Variants in LRP1B observed in about 807,000 individuals in gnomAD.
LRP1B encodes LDL receptor related protein 1B.
LRP1B carries 217 observed loss-of-function variants against 556.6 expected under a neutral mutation model. The ratio of observed to expected loss-of-function variants is 0.39; its 90% CI spans 0.35 to 0.44. The LOEUF is 0.44. Ranked by LOEUF, LRP1B falls within the 20% of genes least tolerant of loss-of-function variation. The pLI is 1.00. For synonymous variants in LRP1B, 2,047 were observed against 1,865.8 expected (o/e 1.10, Z -2.50); for missense variants, 5,053 against 5,620.8 (o/e 0.90, Z 3.23).
intron 3 of LRP1B, among the ~76,000 whole-genome samples, chr2:141,284,095 C>T (rs187766014): frequency 6.6e-6 from 1 of 152,166 alleles, no homozygotes; most frequent in African/African-American, 2.4e-5. Flanking sequence ...TGAAGTATTT[C>T]TGGGAAGTTT....
At chr2:141,408,923 T>A (rs552173351) in intron 3 of LRP1B, among the ~76,000 whole-genome samples, 1 of 152,340 alleles carries the variant, frequency 6.6e-6, no homozygotes, top group South Asian at 2.1e-4. Flanking sequence ...ATTGACTTTC[T>A]CTTCTTCCGC....
At chr2:141,663,465 GAGA>G (rs939513847) in intron 2 of LRP1B, among the ~76,000 whole-genome samples, 3 of 151,422 alleles carry the variant, frequency 2.0e-5, no homozygotes, top group African/African-American at 7.3e-5. Context: ...GAAGAAAATG[GAGA>G]AGAATCCGAT....
chr2:141,602,689 A>G (rs17735355), intron 2 of LRP1B, among the ~76,000 whole-genome samples: 12,015 of 152,164 alleles, frequency 0.079, 561 homozygotes, highest in South Asian at 0.13. Context: ...GCCAGGATAC[A>G]TTGCTTTCTC....
At chr2:140,762,579 T>C (rs994553339) in intron 35 of LRP1B, among the ~76,000 whole-genome samples, 4 of 152,102 alleles carry the variant, frequency 2.6e-5, no homozygotes, top group Admixed American at 1.3e-4. Context: ...CAAGTTCCTA[T>C]TCTAAAAATA....
At chr2:140,493,138 A>G (rs564545945) in intron 56 of LRP1B, among the ~76,000 whole-genome samples, 2 of 152,332 alleles carry the variant, frequency 1.3e-5, no homozygotes, top group South Asian at 4.1e-4. Context: ...GACCAAGAGT[A>G]TCACTGCATA....
intron 62 of LRP1B, among the ~76,000 whole-genome samples, chr2:140,455,655 A>G (rs1029634659): frequency 3.3e-5 from 5 of 152,228 alleles, no homozygotes; most frequent in African/African-American, 1.2e-4. Flanking sequence ...CTGAAAGGCA[A>G]GCTGAGCTAA....
At chr2:142,022,875 C>T (rs533525183) in intron 1 of LRP1B, among the ~76,000 whole-genome samples, 20 of 151,994 alleles carry the variant, frequency 1.3e-4, no homozygotes, top group Non-Finnish European at 1.9e-4. Context: ...CGGGGTTTCA[C>T]CCTGTTGGCC....
At chr2:141,218,201 T>C (rs560548671) in intron 6 of LRP1B, among the ~76,000 whole-genome samples, 33 of 152,316 alleles carry the variant, frequency 2.2e-4, no homozygotes, top group African/African-American at 7.9e-4. Context: ...GTAAATTCGT[T>C]CAGCCACTGT....
chr2:141,914,553 T>C (rs989814500), intron 1 of LRP1B, among the ~76,000 whole-genome samples: 1 of 152,134 alleles, frequency 6.6e-6, no homozygotes, highest in African/African-American at 2.4e-5. Context: ...GGAAAAGAAG[T>C]AGTAAAACTA....
At chr2:140,929,966 G>A (rs954861504) in intron 20 of LRP1B, among the ~76,000 whole-genome samples, 5 of 151,932 alleles carry the variant, frequency 3.3e-5, no homozygotes, top group Non-Finnish European at 7.4e-5. Context: ...TGACCTTCTC[G>A]CCAAATTTGA....
chr2:141,830,334 C>T (rs1245531455), intron 1 of LRP1B, among the ~76,000 whole-genome samples: 1 of 151,730 alleles, frequency 6.6e-6, no homozygotes, highest in East Asian at 1.9e-4. Flanking sequence ...ACCTCATCAC[C>T]TCCCACCTTT....
At chr2:141,204,680 T>C (rs1682193402) in intron 6 of LRP1B, among the ~76,000 whole-genome samples, 1 of 152,156 alleles carries the variant, frequency 6.6e-6, no homozygotes, top group African/African-American at 2.4e-5. Context: ...TTTATAAGAA[T>C]GTAAGAGATG....
intron 17 of LRP1B, 132 bp downstream of exon 17, chr2:140,989,400 G>A (rs1697021225): frequency 5.4e-6 from 5 of 920,764 alleles, no homozygotes; most frequent in Non-Finnish European, 5.0e-6. Flanking sequence ...ATCAAACTCT[G>A]AATTCATTTA....
At chr2:141,099,359 G>A (rs76913786) in intron 7 of LRP1B, among the ~76,000 whole-genome samples, 1 of 151,996 alleles carries the variant, frequency 6.6e-6, no homozygotes, top group Admixed American at 6.6e-5. Context: ...TTAAATCTTT[G>A]GTTTAAAAGT....
chr2:140,776,085 T>A lies in LRP1B; in HGVS notation c.5500+13A>T, dbSNP rs2104950305. 4.5e-6 allele frequency: 7 copies of A among 1,543,220 alleles called. No homozygotes were observed. The highest frequency in any genetic ancestry group is 6.1e-6 in the Non-Finnish European group (7 of 1,148,364). ...TATTCAAGACCTGGCACAAATTCAT[T>A]AGTGTGATTTACCTTGCTGTGCTTC... On this transcript the variant is annotated intron_variant, in intron 33 of 90. Transcript: ENST00000389484.
At chr2:142,047,114 C>T (rs988398812) in intron 1 of LRP1B, among the ~76,000 whole-genome samples, 8 of 151,984 alleles carry the variant, frequency 5.3e-5, no homozygotes, top group South Asian at 4.2e-4. Context: ...AAATCTTAAT[C>T]GTGGAAATTG....
In LRP1B at chr2:140,423,963, C is replaced by A. The variant is rs551578699; in HGVS notation, c.10414+18541G>T. Among the ~76,000 whole-genome samples the A allele has an allele frequency of 9.2e-5, 14 of 152,182 alleles. No individual in the cohort carries two copies. The South Asian group carries it at 1.2e-3, about 14-fold the overall frequency. On this transcript the variant is annotated intron_variant, in intron 66 of 90. Transcript: ENST00000389484. ...AATTAAAACTGTATTTATATTAATTCATTCTGTTAATGAATAATGTTTACT... is the reference window on the plus strand; with the variant it reads ...AATTAAAACTGTATTTATATTAATTAATTCTGTTAATGAATAATGTTTACT...
chr2:141,433,084 T>C (rs111790056), intron 3 of LRP1B, among the ~76,000 whole-genome samples: 263 of 152,198 alleles, frequency 1.7e-3, no homozygotes, highest in African/African-American at 5.9e-3. Context: ...GTGTTTATGT[T>C]TTCATTTTCA....
chr2:140,963,414 CGTGT>C (rs141850717), intron 18 of LRP1B, among the ~76,000 whole-genome samples: 3 of 150,876 alleles, frequency 2.0e-5, no homozygotes, highest in Non-Finnish European at 3.0e-5. Context: ...CTGATTTTTA[CGTGT>C]GTGTGTGTGC....
Sources: gnomAD v4.1 joint callset for allele counts (sites outside exome capture counted in the v4.1 genomes callset) on GRCh38, gnomAD v4.1.1 for gene constraint, MANE v1.5 for transcripts, NCBI Gene and HGNC (gene_info 2026-07-23, HGNC 2026-07-21) for gene names.